Variants in CERS6 observed in about 807,000 individuals in gnomAD.
CERS6 encodes the protein ceramide synthase 6, also known as LAG1 homolog, ceramide synthase 6.
A neutral mutation model predicts 56.8 loss-of-function variants in CERS6; 26 were observed. The observed-to-expected ratio is 0.46, with a 90% CI of 0.34 to 0.63. CERS6 has a LOEUF of 0.63. CERS6 is among the 30% of genes least tolerant of loss of function. The pLI is 0.01. For missense variants in CERS6, 415 were observed against 467.5 expected (o/e 0.89, Z 1.04); for synonymous variants, 164 against 173.3 (o/e 0.95, Z 0.42).
intron 1 of CERS6, among the ~76,000 whole-genome samples, chr2:168,481,747 A>C (rs1694181946): frequency 6.6e-6 from 1 of 152,234 alleles, no homozygotes; most frequent in South Asian, 2.1e-4. Flanking sequence ...GCTTAGCTGA[A>C]AGACCAGTTG....
At position 168,600,211 on chromosome 2, in the gene CERS6, T is replaced by TC. The variant is rs1553497951; in HGVS notation, c.408-30774_408-30773insC. Among the ~76,000 whole-genome samples the TC allele has an allele frequency of 6.9e-3, 604 of 86,962 alleles. 7 individuals are homozygous for TC. The highest frequency in any genetic ancestry group is 0.019 in the African/African-American group (527 of 27,360). The allele number at this position is 86,962 out of a possible 152,430, so 57.1% of individuals were successfully genotyped here. A position where few individuals can be genotyped will look rare whatever the true frequency, so the allele number is the denominator to read the frequency against. On this transcript the variant is annotated intron_variant, in intron 3 of 9. Transcript: ENST00000305747. ...ATATTTCTCTCTCTCTCTCTCTCTCTTTTTTTTTTTTTAATCGGAGTCTGG... is the reference window on the plus strand; with the variant it reads ...ATATTTCTCTCTCTCTCTCTCTCTCTCTTTTTTTTTTTTAATCGGAGTCTGG...
At chr2:168,627,253 T>C (rs1684611089) in intron 3 of CERS6, among the ~76,000 whole-genome samples, 1 of 152,204 alleles carries the variant, frequency 6.6e-6, no homozygotes, top group East Asian at 1.9e-4. Flanking sequence ...GAGCATTTAA[T>C]TTGGCAATGA....
At chr2:168,562,165 T>A (rs1273682159) in intron 3 of CERS6, among the ~76,000 whole-genome samples, 1 of 152,186 alleles carries the variant, frequency 6.6e-6, no homozygotes, top group East Asian at 1.9e-4. Context: ...TCGGTGTAAC[T>A]CTCTTAGTTG....
chr2:168,543,990 C>T (rs991749792), intron 1 of CERS6, among the ~76,000 whole-genome samples: 1 of 152,148 alleles, frequency 6.6e-6, no homozygotes, highest in African/African-American at 2.4e-5. Flanking sequence ...AGGGTACCTA[C>T]CATTGTATTT....
At chr2:168,668,498 G>A (rs1303517901) in intron 4 of CERS6, among the ~76,000 whole-genome samples, 1 of 146,426 alleles carries the variant, frequency 6.8e-6, no homozygotes. Flanking sequence ...CCAGGCTGGA[G>A]TTCAGTGGCA....
chr2:168,456,769 T>G lies in CERS6; in HGVS notation c.170+151T>G, dbSNP rs1300147153. 9 of 708,988 alleles carry G rather than the reference T, an allele frequency of 1.3e-5. No individual in the cohort carries two copies. The highest frequency in any genetic ancestry group is 2.1e-5 in the Non-Finnish European group (9 of 435,568). 43.9% of individuals were successfully genotyped at this position (708,988 alleles called of 1,614,324 possible). On this transcript the variant is annotated intron_variant, in intron 1 of 9. Coordinates refer to ENST00000305747, the MANE Select transcript of CERS6 (RefSeq NM_203463.3). The surrounding 1 kb of genome is among the most constrained non-coding windows in gnomAD (Gnocchi z 4.1). ...TTCGGGGAGGGGTTGCTGACCCCCCTGCCCCGCTGGCTTTCTGGGAGCCAG... is the reference window on the plus strand; with the variant it reads ...TTCGGGGAGGGGTTGCTGACCCCCCGGCCCCGCTGGCTTTCTGGGAGCCAG...
At position 168,502,928 on chromosome 2, in the gene CERS6, C is replaced by A. The variant is rs143360769; in HGVS notation, c.171-44668C>A. ...TAAGGGAGTCTCTTAAAAGTCCATGCAGGGTGAGAGAAGGGTGTCTTATAT... is the reference window on the plus strand; with the variant it reads ...TAAGGGAGTCTCTTAAAAGTCCATGAAGGGTGAGAGAAGGGTGTCTTATAT... On this transcript the variant is annotated intron_variant, in intron 1 of 9. Transcript: ENST00000305747. Among the ~76,000 whole-genome samples the A allele has an allele frequency of 2.5e-3, 382 of 152,262 alleles. 1 individual carries two copies. The highest frequency in any genetic ancestry group is 3.9e-3 in the Non-Finnish European group (267 of 68,000).
chr2:168,483,811 A>G (rs972832003), intron 1 of CERS6, among the ~76,000 whole-genome samples: 1 of 152,238 alleles, frequency 6.6e-6, no homozygotes, highest in Non-Finnish European at 1.5e-5. Context: ...ATTTATGAAC[A>G]TCTCGAACAG....
intron 1 of CERS6, among the ~76,000 whole-genome samples, chr2:168,476,564 C>G (rs931867607): frequency 6.6e-6 from 1 of 151,976 alleles, no homozygotes; most frequent in African/African-American, 2.4e-5. Flanking sequence ...GTGGCTGAGA[C>G]GTCCTGCAAT....
chr2:168,476,582 C>G (rs1372269666), intron 1 of CERS6, among the ~76,000 whole-genome samples: 1 of 152,028 alleles, frequency 6.6e-6, no homozygotes, highest in East Asian at 1.9e-4. Flanking sequence ...AATAGGCTGT[C>G]TGTAAGCTGG....
intron 8 of CERS6, among the ~76,000 whole-genome samples, chr2:168,733,727 A>G (rs1683624631): frequency 6.6e-6 from 1 of 152,194 alleles, no homozygotes; most frequent in Middle Eastern, 3.2e-3. Context: ...AAAGCCTCTG[A>G]CAATTCTGGA....
chr2:168,556,671 C>T (rs953783243), intron 2 of CERS6, among the ~76,000 whole-genome samples: 5 of 151,994 alleles, frequency 3.3e-5, no homozygotes, highest in Non-Finnish European at 7.4e-5. Context: ...ATCTAGGAAT[C>T]AGTGAAAAAG....
intron 5 of CERS6, among the ~76,000 whole-genome samples, chr2:168,692,220 A>G (rs536991429): frequency 6.6e-6 from 1 of 152,282 alleles, no homozygotes; most frequent in African/African-American, 2.4e-5. Flanking sequence ...CCAATAGCTT[A>G]TTTTACACAA....
intron 1 of CERS6, among the ~76,000 whole-genome samples, chr2:168,517,108 C>A (rs1356260517): frequency 6.6e-6 from 1 of 151,858 alleles, no homozygotes; most frequent in East Asian, 1.9e-4. Flanking sequence ...CCAAATGGAC[C>A]AGAACTGGGT....
At chr2:168,482,609 C>G (rs1694196922) in intron 1 of CERS6, among the ~76,000 whole-genome samples, 1 of 152,234 alleles carries the variant, frequency 6.6e-6, no homozygotes, top group African/African-American at 2.4e-5. Context: ...AATCAGGCAT[C>G]TATCTGGAAG....
intron 1 of CERS6, among the ~76,000 whole-genome samples, chr2:168,491,233 G>A (rs981785499): frequency 6.6e-6 from 1 of 152,188 alleles, no homozygotes; most frequent in African/African-American, 2.4e-5. Context: ...ATATGAGGAA[G>A]GAAAGAGGAT....
chr2:168,677,154 C>A (rs1028388074), intron 4 of CERS6, among the ~76,000 whole-genome samples: 2 of 151,890 alleles, frequency 1.3e-5, no homozygotes, highest in Non-Finnish European at 2.9e-5. Flanking sequence ...TTTCTCCTGA[C>A]GCTATCCCTC....
In CERS6 at chr2:168,591,337, G is replaced by A. The variant is rs116756895; in HGVS notation, c.407+30015G>A. On this transcript the variant is annotated intron_variant, in intron 3 of 9. Coordinates refer to ENST00000305747, the MANE Select transcript of CERS6 (RefSeq NM_203463.3). ...ATGGCTTCACCATCCACATCATGAA[G>A]TTTCATGTTGTCCCTAGACTGTTAG... Among the ~76,000 whole-genome samples the A allele has an allele frequency of 4.4e-3, 669 of 152,310 alleles. 7 individuals carry two copies. The highest frequency in any genetic ancestry group is 0.015 in the African/African-American group (623 of 41,578).
chr2:168,519,738 A>G (rs1175930672), intron 1 of CERS6, among the ~76,000 whole-genome samples: 1 of 152,140 alleles, frequency 6.6e-6, no homozygotes, highest in Non-Finnish European at 1.5e-5. Context: ...ATGGCTGTGT[A>G]GTATTCCATG....
Sources: allele counts gnomAD v4.1 joint callset (sites outside exome capture counted in the v4.1 genomes callset), GRCh38; gene constraint gnomAD v4.1.1; non-coding constraint Gnocchi (gnomAD v3.1); transcripts MANE v1.5; gene names NCBI Gene and HGNC (gene_info 2026-07-23, HGNC 2026-07-21).